ZNF804B: variants seen among roughly 807,000 people sequenced by gnomAD.
ZNF804B encodes the protein zinc finger 804B.
Under a neutral mutation model 101.4 loss-of-function variants are expected in ZNF804B, and 80 were observed. The ratio of observed to expected loss-of-function variants is 0.79; its 90% CI spans 0.66 to 0.95. The LOEUF is 0.95. Ranked by LOEUF, ZNF804B falls within the 40% of genes least tolerant of loss-of-function variation. ZNF804B has a pLI of 0.00. For missense variants in ZNF804B, 1,673 were observed against 1,561.9 expected, an observed-to-expected ratio of 1.07 and a Z score of -1.20; for synonymous variants, 622 against 558.8, an observed-to-expected ratio of 1.11 and a Z score of -1.59.
intron 2 of ZNF804B, among the ~76,000 whole-genome samples, chr7:89,251,584 T>C (rs779246502): frequency 3.9e-5 from 6 of 152,162 alleles, no homozygotes; most frequent in Non-Finnish European, 8.8e-5. Context: ...TTCACAGAGC[T>C]AGAAAAAAAC....
chr7:89,280,210 T>C (rs374632629), intron 2 of ZNF804B, among the ~76,000 whole-genome samples: 1 of 151,754 alleles, frequency 6.6e-6, no homozygotes, highest in Admixed American at 6.6e-5. Flanking sequence ...TTGAAACCAA[T>C]GAGAACAAAG....
intron 1 of ZNF804B, among the ~76,000 whole-genome samples, chr7:89,115,317 C>G (rs1054128212): frequency 6.6e-6 from 1 of 152,282 alleles, no homozygotes; most frequent in South Asian, 2.1e-4. Context: ...GAGCTTTACT[C>G]TTAACAGGAA....
In ZNF804B at chr7:89,246,594, A is replaced by C. The variant is rs1464944567; in HGVS notation, c.249+28299A>C. Reference sequence around the variant, plus strand: ...GTGTTTTATACCCAGTGAGATCTCCAGGCATTTGAGCACCTGCTCACTTGG... The same window carrying C: ...GTGTTTTATACCCAGTGAGATCTCCCGGCATTTGAGCACCTGCTCACTTGG... On this transcript the variant is annotated intron_variant, in intron 2 of 3. Transcript: ENST00000333190. 2.6e-5 allele frequency among the ~76,000 whole-genome samples: 4 copies of C among 152,058 alleles called. No individual in the cohort carries two copies. In the South Asian group the frequency reaches 8.3e-4, roughly 32 times the overall value.
At chr7:89,032,875 G>T (rs896266967) in intron 1 of ZNF804B, among the ~76,000 whole-genome samples, 1 of 151,894 alleles carries the variant, frequency 6.6e-6, no homozygotes, top group Non-Finnish European at 1.5e-5. Context: ...TATAATTTAT[G>T]AATATAATGT....
At chr7:89,311,174 A>C (rs2115945304) in intron 2 of ZNF804B, among the ~76,000 whole-genome samples, 1 of 152,346 alleles carries the variant, frequency 6.6e-6, no homozygotes, top group African/African-American at 2.4e-5. Flanking sequence ...ACTCTACATT[A>C]TAATGCTTGG....
intron 1 of ZNF804B, among the ~76,000 whole-genome samples, chr7:89,130,813 T>C (rs771534300): frequency 9.9e-5 from 15 of 152,020 alleles, no homozygotes; most frequent in Non-Finnish European, 1.9e-4. Context: ...GTGATTTTTA[T>C]ACCAAGGTAG....
chr7:89,292,687 C>G (rs560012835), intron 2 of ZNF804B, among the ~76,000 whole-genome samples: 1 of 147,716 alleles, frequency 6.8e-6, no homozygotes, highest in South Asian at 2.1e-4. Flanking sequence ...AAAAATGGCA[C>G]TAGTGAATCC....
chr7:89,141,442 T>C (rs948357151), intron 1 of ZNF804B, among the ~76,000 whole-genome samples: 2 of 152,032 alleles, frequency 1.3e-5, no homozygotes, highest in African/African-American at 4.8e-5. Flanking sequence ...GTGTATTCCA[T>C]TTTTTATTGA....
chr7:89,096,065 G>A (rs889832380), intron 1 of ZNF804B, among the ~76,000 whole-genome samples: 2 of 151,590 alleles, frequency 1.3e-5, no homozygotes, highest in African/African-American at 2.4e-5. Flanking sequence ...TGAGGCAGGA[G>A]AATGGCGTGA....
intron 1 of ZNF804B, among the ~76,000 whole-genome samples, chr7:88,886,957 C>G (rs966857087): frequency 1.4e-4 from 22 of 151,866 alleles, no homozygotes; most frequent in Non-Finnish European, 2.9e-4. Context: ...AAATGATATA[C>G]AGTTCTACTG....
intron 1 of ZNF804B, among the ~76,000 whole-genome samples, chr7:89,178,342 CCTTT>C: frequency 6.7e-6 from 1 of 149,984 alleles, no homozygotes; most frequent in South Asian, 2.1e-4. Context: ...TCTTTTCCTT[CCTTT>C]CTTCCTTCCT....
chr7:88,812,353 A>T (rs534496124), intron 1 of ZNF804B, among the ~76,000 whole-genome samples: 1 of 152,216 alleles, frequency 6.6e-6, no homozygotes, highest in Non-Finnish European at 1.5e-5. Flanking sequence ...TATCAAAAAA[A>T]CAGAAAATAA....
chr7:89,176,591 C>T (rs13231631), intron 1 of ZNF804B, among the ~76,000 whole-genome samples: 36,927 of 71,008 alleles, frequency 0.52, 8,995 homozygotes, highest in African/African-American at 0.6. Flanking sequence ...TTCTTTCTTT[C>T]TTTTTTTTTT....
chr7:88,836,123 C>T (rs1178890034), intron 1 of ZNF804B, among the ~76,000 whole-genome samples: 1 of 151,908 alleles, frequency 6.6e-6, no homozygotes, highest in Non-Finnish European at 1.5e-5. Context: ...CCTTTGATCA[C>T]CTCTGGCGGT....
chr7:89,111,918 A>G (rs1029152840), intron 1 of ZNF804B, among the ~76,000 whole-genome samples: 59 of 152,186 alleles, frequency 3.9e-4, no homozygotes, highest in African/African-American at 1.4e-3. Context: ...AGTCTGGCCA[A>G]TATGGTGAGA....
intron 1 of ZNF804B, among the ~76,000 whole-genome samples, chr7:89,103,354 A>G (rs913954255): frequency 6.6e-6 from 1 of 151,790 alleles, no homozygotes; most frequent in East Asian, 1.9e-4. Flanking sequence ...CTTCCAATCA[A>G]TGAACATTGG....
At chr7:88,949,055 A>G (rs1793179943) in intron 1 of ZNF804B, among the ~76,000 whole-genome samples, 1 of 151,598 alleles carries the variant, frequency 6.6e-6, no homozygotes, top group Non-Finnish European at 1.5e-5. Context: ...TTTTAAATTA[A>G]CGTCATACAT....
At chr7:89,045,190 G>C (rs1789086542) in intron 1 of ZNF804B, among the ~76,000 whole-genome samples, 1 of 152,188 alleles carries the variant, frequency 6.6e-6, no homozygotes, top group Non-Finnish European at 1.5e-5. Context: ...GGGCATCTGT[G>C]GGTGCACAGA....
At chr7:89,254,835 G>A (rs1308767815) in intron 2 of ZNF804B, among the ~76,000 whole-genome samples, 7 of 151,682 alleles carry the variant, frequency 4.6e-5, no homozygotes, top group Admixed American at 2.6e-4. Context: ...TAGTAGAGAC[G>A]GGGTTTCACC....
Sources: gnomAD v4.1 joint callset for allele counts (sites outside exome capture counted in the v4.1 genomes callset) on GRCh38, gnomAD v4.1.1 for gene constraint, MANE v1.5 for transcripts, NCBI Gene and HGNC (gene_info 2026-07-23, HGNC 2026-07-21) for gene names.